SMYD3: variants seen among roughly 807,000 people sequenced by gnomAD.
The protein encoded by SMYD3 is histone-lysine N-methyltransferase SMYD3.
A neutral mutation model predicts 57.7 loss-of-function variants in SMYD3; 36 were observed. The ratio of observed to expected loss-of-function variants is 0.62; its 90% CI spans 0.48 to 0.82. The LOEUF (loss-of-function observed/expected upper bound fraction) is 0.82. Among genes scored for constraint, SMYD3 ranks in the 40% least tolerant of loss-of-function variants. The probability of loss-of-function intolerance (pLI) is 0.00; values close to 1 mark genes in which losing one functional copy is unlikely to be tolerated. For missense variants in SMYD3, 515 were observed against 538.8 expected (o/e 0.96, Z 0.44); for synonymous variants, 211 against 195.0 (o/e 1.08, Z -0.68).
chr1:246,436,697 C>T (rs1308270391), intron 1 of SMYD3, among the ~76,000 whole-genome samples: 2 of 152,130 alleles, frequency 1.3e-5, no homozygotes, highest in Non-Finnish European at 2.9e-5. Flanking sequence ...AGATGTCCTG[C>T]TTCGTTAGTC....
intron 1 of SMYD3, among the ~76,000 whole-genome samples, chr1:246,365,504 A>T (rs981148219): frequency 2.4e-4 from 36 of 150,918 alleles, no homozygotes; most frequent in Non-Finnish European, 4.7e-4. Context: ...AAAAAAAAAA[A>T]AAAAAAAAAA....
intron 5 of SMYD3, among the ~76,000 whole-genome samples, chr1:246,318,177 C>A (rs751143945): frequency 3.9e-4 from 60 of 152,086 alleles, no homozygotes; most frequent in Non-Finnish European, 6.3e-4. Context: ...GAGCCCAGGA[C>A]TTCAAGACCA....
At chr1:246,029,597 G>A (rs564748910) in intron 5 of SMYD3, among the ~76,000 whole-genome samples, 12 of 151,112 alleles carry the variant, frequency 7.9e-5, no homozygotes, top group East Asian at 2.0e-4. Flanking sequence ...GCTTGAGCCC[G>A]GGAGACAGAG....
At chr1:246,506,838 T>TC (rs3831943) in intron 1 of SMYD3, among the ~76,000 whole-genome samples, 135,124 of 152,138 alleles carry the variant, frequency 0.89, 60,106 homozygotes, top group African/African-American at 0.93. Context: ...CTGGGCCCCC[T>TC]CCCAGCCCCG....
chr1:246,449,164 C>T (rs748287429), intron 1 of SMYD3, among the ~76,000 whole-genome samples: 1 of 151,914 alleles, frequency 6.6e-6, no homozygotes, highest in Non-Finnish European at 1.5e-5. Context: ...CCTGGGAGGT[C>T]GAGACTGCAA....
intron 10 of SMYD3, among the ~76,000 whole-genome samples, chr1:245,835,695 A>G (rs570168099): frequency 3.9e-4 from 59 of 152,320 alleles, no homozygotes; most frequent in African/African-American, 1.2e-3. Context: ...GAAGGCCTCA[A>G]GAACAATCTG....
chr1:246,109,771 T>G (rs1314520066), intron 5 of SMYD3: 1 of 152,230 alleles, frequency 6.6e-6, no homozygotes, highest in African/African-American at 2.4e-5. Context: ...AAATTCCCTC[T>G]GGAGCTGCAG....
At chr1:245,804,906 T>C (rs2048065964) in intron 10 of SMYD3, among the ~76,000 whole-genome samples, 1 of 152,210 alleles carries the variant, frequency 6.6e-6, no homozygotes, top group South Asian at 2.1e-4. Context: ...CAGTCTGTGG[T>C]ATTTTGTTGT....
intron 5 of SMYD3, among the ~76,000 whole-genome samples, chr1:245,999,506 A>T (rs536567343): frequency 5.9e-5 from 9 of 152,316 alleles, no homozygotes; most frequent in African/African-American, 2.2e-4. Context: ...GGCAAAACCT[A>T]GATTTAAACC....
chr1:246,159,695 C>T (rs1035149664), intron 5 of SMYD3, among the ~76,000 whole-genome samples: 1 of 152,154 alleles, frequency 6.6e-6, no homozygotes, highest in South Asian at 2.1e-4. Context: ...GATAATAGGT[C>T]CAGCTTGTAA....
intron 5 of SMYD3, among the ~76,000 whole-genome samples, chr1:246,172,190 A>C (rs1420092131): frequency 6.6e-6 from 1 of 152,128 alleles, no homozygotes; most frequent in African/African-American, 2.4e-5. Flanking sequence ...CGCTTAGGCT[A>C]CACAGGCCTA....
chr1:246,499,805 T>G (rs1202113859), intron 1 of SMYD3, among the ~76,000 whole-genome samples: 2 of 152,096 alleles, frequency 1.3e-5, no homozygotes, highest in Non-Finnish European at 2.9e-5. Flanking sequence ...TTAATTTTTA[T>G]GCAATAAATA....
chr1:245,756,446 A>G (rs1302877188), intron 11 of SMYD3, among the ~76,000 whole-genome samples: 1 of 152,018 alleles, frequency 6.6e-6, no homozygotes, highest in Non-Finnish European at 1.5e-5. Context: ...TTTGCTGACC[A>G]TATTCTTTCT....
At chr1:246,220,017 C>T (rs868254890) in intron 5 of SMYD3, among the ~76,000 whole-genome samples, 1 of 152,166 alleles carries the variant, frequency 6.6e-6, no homozygotes, top group Non-Finnish European at 1.5e-5. Context: ...GCAAGTCCCA[C>T]GAGGGTGTCA....
chr1:245,980,039 C>T (rs2058557339), intron 5 of SMYD3, among the ~76,000 whole-genome samples: 1 of 152,206 alleles, frequency 6.6e-6, no homozygotes, highest in South Asian at 2.1e-4. Flanking sequence ...GAGCTCTGTG[C>T]CTCAGTCTCC....
intron 10 of SMYD3, among the ~76,000 whole-genome samples, chr1:245,810,031 A>AC (rs1166281742): frequency 1.3e-5 from 2 of 152,130 alleles, no homozygotes; most frequent in African/African-American, 4.8e-5. Flanking sequence ...GGTAAGTAGT[A>AC]CTCATTGGGT....
intron 10 of SMYD3, among the ~76,000 whole-genome samples, chr1:245,790,121 C>G (rs1380283456): frequency 3.3e-5 from 5 of 152,074 alleles, no homozygotes; most frequent in Admixed American, 3.3e-4. Context: ...TCAAAAGGGA[C>G]CTACAGTAGT....
At chr1:246,220,896 G>A (rs1572232917) in intron 5 of SMYD3, among the ~76,000 whole-genome samples, 1 of 152,030 alleles carries the variant, frequency 6.6e-6, no homozygotes, top group African/African-American at 2.4e-5. Context: ...CCCACTCCAG[G>A]GTCTCCTCTC....
chr1:246,095,578 A>G (rs908411365), intron 5 of SMYD3, among the ~76,000 whole-genome samples: 5 of 152,226 alleles, frequency 3.3e-5, no homozygotes, highest in African/African-American at 1.2e-4. Context: ...GTTAACCAGT[A>G]AAAGACACAA....
Sources: gnomAD v4.1 joint callset for allele counts (sites outside exome capture counted in the v4.1 genomes callset) on GRCh38, gnomAD v4.1.1 for gene constraint, MANE v1.5 for transcripts, NCBI Gene and HGNC (gene_info 2026-07-23, HGNC 2026-07-21) for gene names.